HEMK2: variants seen among roughly 807,000 people sequenced by gnomAD.
The protein encoded by HEMK2 is HemK methyltransferase 2, ETF1 glutamine and histone H4 lysine, also known as methyltransferase HEMK2.
the HEMK2 span, among the ~76,000 whole-genome samples, chr21:28,826,941 G>A: frequency 6.6e-6 from 1 of 152,144 alleles, no homozygotes; most frequent in Non-Finnish European, 1.5e-5. Flanking sequence ...TAAGTAGGCT[G>A]AAACAGAGGG....
the HEMK2 span, among the ~76,000 whole-genome samples, chr21:28,833,352 A>C: frequency 6.6e-6 from 1 of 152,232 alleles, no homozygotes; most frequent in Non-Finnish European, 1.5e-5. Flanking sequence ...GCCAAGTGGC[A>C]GGTGACATCA....
the HEMK2 span, among the ~76,000 whole-genome samples, chr21:28,726,732 A>T: frequency 2.6e-5 from 4 of 152,006 alleles, no homozygotes; most frequent in Non-Finnish European, 4.4e-5. Flanking sequence ...ACATGTCAAA[A>T]CCCCATCTCT....
the HEMK2 span, among the ~76,000 whole-genome samples, chr21:28,807,557 G>A: frequency 6.6e-6 from 1 of 152,170 alleles, no homozygotes; most frequent in East Asian, 1.9e-4. Flanking sequence ...CCTATCTTGA[G>A]TCATCTTTAC....
chr21:28,681,829 G>T, the HEMK2 span, among the ~76,000 whole-genome samples: 17,552 of 151,990 alleles, frequency 0.12, 1,400 homozygotes, highest in African/African-American at 0.22. Context: ...AAATGGTGCT[G>T]GGAGAACTGG....
At chr21:28,595,136 G>T in the HEMK2 span, among the ~76,000 whole-genome samples, 1 of 152,128 alleles carries the variant, frequency 6.6e-6, no homozygotes. Context: ...GGAAGATGGG[G>T]TATCTGTATC....
At chr21:28,603,852 T>C in the HEMK2 span, among the ~76,000 whole-genome samples, 1 of 152,210 alleles carries the variant, frequency 6.6e-6, no homozygotes, top group Non-Finnish European at 1.5e-5. Context: ...TTGTCTTCAA[T>C]TGTCTTTATG....
At chr21:28,855,621 C>A in the HEMK2 span, among the ~76,000 whole-genome samples, 1 of 152,154 alleles carries the variant, frequency 6.6e-6, no homozygotes, top group African/African-American at 2.4e-5. Context: ...GAAAACAACT[C>A]TCAGCAAATT....
chr21:28,777,011 A>G, the HEMK2 span, among the ~76,000 whole-genome samples: 5 of 152,206 alleles, frequency 3.3e-5, no homozygotes, highest in African/African-American at 7.2e-5. Flanking sequence ...AATCCAATCA[A>G]GTTGACACTC....
At chr21:28,785,049 C>T in the HEMK2 span, among the ~76,000 whole-genome samples, 8 of 152,250 alleles carry the variant, frequency 5.3e-5, no homozygotes, top group South Asian at 2.1e-4. Flanking sequence ...ACTCCAGATG[C>T]GCTGCCTTAA....
the HEMK2 span, among the ~76,000 whole-genome samples, chr21:28,713,821 G>A: frequency 1.3e-5 from 2 of 152,208 alleles, no homozygotes; most frequent in Non-Finnish European, 2.9e-5. Flanking sequence ...AGTGTGTGAA[G>A]AAATTATTTC....
the HEMK2 span, among the ~76,000 whole-genome samples, chr21:28,622,858 T>C: frequency 6.6e-6 from 1 of 152,138 alleles, no homozygotes; most frequent in Non-Finnish European, 1.5e-5. Flanking sequence ...GACTTAAACG[T>C]AAGACCTAAA....
chr21:28,846,198 T>G, the HEMK2 span, among the ~76,000 whole-genome samples: 2 of 152,214 alleles, frequency 1.3e-5, no homozygotes, highest in African/African-American at 4.8e-5. Flanking sequence ...AGTCTACCAC[T>G]GATGGGCGTC....
the HEMK2 span, among the ~76,000 whole-genome samples, chr21:28,832,493 C>T: frequency 6.6e-6 from 1 of 152,142 alleles, no homozygotes; most frequent in East Asian, 1.9e-4. Context: ...AATTTAATAG[C>T]AGTAGTAAAC....
the HEMK2 span, among the ~76,000 whole-genome samples, chr21:28,682,440 T>C: frequency 6.7e-6 from 1 of 150,276 alleles, no homozygotes; most frequent in Non-Finnish European, 1.5e-5. Flanking sequence ...AGGAACACTT[T>C]TACACTGTTG....
At chr21:28,803,274 G>A in the HEMK2 span, among the ~76,000 whole-genome samples, 1 of 152,142 alleles carries the variant, frequency 6.6e-6, no homozygotes, top group Non-Finnish European at 1.5e-5. Flanking sequence ...GATCCCAAGG[G>A]ATTAACATAC....
chr21:28,770,438 GGA>G, the HEMK2 span, among the ~76,000 whole-genome samples: 2 of 152,054 alleles, frequency 1.3e-5, no homozygotes, highest in Non-Finnish European at 2.9e-5. Flanking sequence ...GGCTTCCCAA[GGA>G]TATGTCCAGT....
chr21:28,855,035 T>C, the HEMK2 span, among the ~76,000 whole-genome samples: 1 of 152,144 alleles, frequency 6.6e-6, no homozygotes, highest in Admixed American at 6.5e-5. Context: ...TGAATGTAAA[T>C]GGGCTAAATG....
At chr21:28,764,296 T>C in the HEMK2 span, among the ~76,000 whole-genome samples, 1 of 152,058 alleles carries the variant, frequency 6.6e-6, no homozygotes, top group Admixed American at 6.6e-5. Flanking sequence ...TGTGCATTCA[T>C]ATTTGCTATG....
chr21:28,675,287 T>C, the HEMK2 span, among the ~76,000 whole-genome samples: 1 of 152,240 alleles, frequency 6.6e-6, no homozygotes, highest in Middle Eastern at 3.4e-3. Context: ...ATAATAAAAA[T>C]GAAAAATGGA....
Sources: allele counts gnomAD v4.1 joint callset (sites outside exome capture counted in the v4.1 genomes callset), GRCh38; gene constraint gnomAD v4.1.1; transcripts MANE v1.5; gene names NCBI Gene and HGNC (gene_info 2026-07-23, HGNC 2026-07-21).